PDPK1: variants seen among roughly 807,000 people sequenced by gnomAD.
The protein encoded by PDPK1 is 3-phosphoinositide dependent protein kinase 1, also known as 3-phosphoinositide-dependent protein kinase 1.
Under a neutral mutation model 39.8 loss-of-function variants are expected in PDPK1, and 7 were observed. That is an observed-to-expected ratio of 0.18 (90% CI 0.10 to 0.33). PDPK1 has a LOEUF of 0.33. PDPK1 is among the 10% of genes least tolerant of loss of function. The pLI is 1.00. For synonymous variants in PDPK1, 118 were observed against 159.1 expected (o/e 0.74, Z 1.95); for missense variants, 182 against 384.7 (o/e 0.47, Z 4.41).
chr16:2,590,948 C>G (rs563881391), intron 11 of PDPK1, among the ~76,000 whole-genome samples: 5 of 149,800 alleles, frequency 3.3e-5, no homozygotes, highest in African/African-American at 9.9e-5. Flanking sequence ...TGCACCAGGC[C>G]AAAAGTCTTT....
intron 1 of PDPK1, chr16:2,539,176 T>C (rs2066196857): frequency 6.1e-6 from 1 of 164,110 alleles, no homozygotes; most frequent in Admixed American, 6.0e-5. Context: ...ATCTCCCGGG[T>C]TCAAGCGATT....
In PDPK1 at chr16:2,599,147, T is replaced by A. The variant is rs967816457; in HGVS notation, c.*1380T>A. 3 of 233,128 alleles carry A rather than the reference T, an allele frequency of 1.3e-5. No individual in the cohort carries two copies. The highest frequency in any genetic ancestry group is 2.5e-5 in the Non-Finnish European group (3 of 118,128). The allele number at this position is 233,128 out of a possible 1,614,324, so 14.4% of individuals were successfully genotyped here. On this transcript the variant is annotated 3_prime_UTR_variant, in exon 14 of 14. Transcript: ENST00000342085. ...GCCTAGCTACTCCCCAGGTAGAGAGTGCTCCTGGTGGCCTGGCAGGTCTGG... is the reference window on the plus strand; with the variant it reads ...GCCTAGCTACTCCCCAGGTAGAGAGAGCTCCTGGTGGCCTGGCAGGTCTGG...
chr16:2,538,694 G>A (rs1353247366), intron 1 of PDPK1: 1 of 1,286,486 alleles, frequency 7.8e-7, no homozygotes, highest in African/African-American at 1.5e-5. Flanking sequence ...TTTGCTGCCC[G>A]TGGCTGTGCT....
chr16:2,597,189 G>A lies in PDPK1; in HGVS notation c.1468G>A (p.Val490Ile). 6.3e-7 allele frequency: 1 copy of A among 1,593,504 alleles called. No individual in the cohort carries two copies. The highest frequency in any genetic ancestry group is 1.1e-5 in the South Asian group (1 of 90,276). ...ACCACATTTATATTATGTGGATCCT[G>A]TCAACAAAGTTCTGAAAGGTGAAAT... is the stretch of plus-strand genomic sequence containing the variant. ...EGPHLYYVDP[V>I]NKVLKGEIPW... Residue 490 changes from valine (V) to isoleucine (I), a missense_variant, in exon 13 of 14, where the codon GTC (valine) becomes ATC (isoleucine). This residue lies in a region of PDPK1 where 67 missense variants were observed against 87.8 expected (regional missense o/e 0.76). Coordinates refer to ENST00000342085, the MANE Select transcript of PDPK1 (RefSeq NM_002613.5). The surrounding 1 kb of genome is among the most constrained non-coding windows in gnomAD (Gnocchi z 6.3).
At chr16:2,551,581 C>T (rs529731247) in intron 1 of PDPK1, among the ~76,000 whole-genome samples, 5 of 151,340 alleles carry the variant, frequency 3.3e-5, no homozygotes, top group African/African-American at 9.7e-5. Context: ...GCTTTCTGTT[C>T]GGGATCCTTT....
chr16:2,585,015 G>C (rs971233349), intron 10 of PDPK1, among the ~76,000 whole-genome samples: 2 of 152,300 alleles, frequency 1.3e-5, no homozygotes, highest in African/African-American at 2.4e-5. Flanking sequence ...GCGACTGGCT[G>C]GTGGCCGTTC....
intron 10 of PDPK1, among the ~76,000 whole-genome samples, chr16:2,585,929 T>A (rs1365773909): frequency 6.6e-6 from 1 of 152,206 alleles, no homozygotes; most frequent in Non-Finnish European, 1.5e-5. Context: ...TCTTTCCCCT[T>A]GTCCTTGGCC....
At chr16:2,545,608 C>T (rs1357123963) in intron 1 of PDPK1, among the ~76,000 whole-genome samples, 2 of 152,240 alleles carry the variant, frequency 1.3e-5, no homozygotes, top group South Asian at 2.1e-4. Context: ...AATTCTCCTG[C>T]TTCAGCTTCA....
chr16:2,587,326 G>A (rs982995033), intron 11 of PDPK1, among the ~76,000 whole-genome samples: 1 of 152,202 alleles, frequency 6.6e-6, no homozygotes, highest in African/African-American at 2.4e-5. Flanking sequence ...GGGATCTGTC[G>A]CGGGGGCGCC....
intron 1 of PDPK1, among the ~76,000 whole-genome samples, chr16:2,546,705 T>G (rs1161297968): frequency 6.6e-6 from 1 of 152,204 alleles, no homozygotes; most frequent in Non-Finnish European, 1.5e-5. Context: ...GTCTCTTTCC[T>G]GCTTGGGCAA....
chr16:2,587,135 G>A (rs1253582008), intron 11 of PDPK1, among the ~76,000 whole-genome samples: 4 of 152,248 alleles, frequency 2.6e-5, no homozygotes, highest in Non-Finnish European at 4.4e-5. Flanking sequence ...CCTGCTGGTT[G>A]TGGCCATGGA....
At chr16:2,544,226 C>T (rs1257236157) in intron 1 of PDPK1, among the ~76,000 whole-genome samples, 1 of 152,078 alleles carries the variant, frequency 6.6e-6, no homozygotes. Context: ...AGTGTTTCTA[C>T]CTGAAGAGAC....
rs895059864 is a variant in PDPK1 at position 2,602,991 on chromosome 16, T to C, written c.*5224T>C. ...GTACAGCCTTGAATGTGAATAATTA[T>C]TGTAAACTATATTTTACAACTTTTT... On this transcript the variant is annotated 3_prime_UTR_variant, in exon 14 of 14. Transcript: ENST00000342085. 7 of 230,718 alleles carry C rather than the reference T, an allele frequency of 3.0e-5. No homozygotes were observed. Among genetic ancestry groups the C allele is most frequent in the Admixed American group, 1.1e-4 (2 of 17,716 alleles). The allele number at this position is 230,718 out of a possible 1,614,324, so 14.3% of individuals were successfully genotyped here.
chr16:2,586,889 C>T lies in PDPK1; in HGVS notation c.1339C>T (p.Pro447Ser). Residue 447 changes from proline (P) to serine (S), a missense_variant, in exon 11 of 14, where the codon CCT becomes TCT. By Grantham distance (74) the Pro-to-Ser change is moderately conservative. Coordinates refer to ENST00000342085, the MANE Select transcript of PDPK1 (RefSeq NM_002613.5). ...GTTGGAGAAGCAGGCTGGCGGAAAC[C>T]CTTGGTAAGAACTTATGGACATAAG... ...LLLEKQAGGNPWHQFVENNLI... is the reference protein window; with the variant it reads ...LLLEKQAGGNSWHQFVENNLI... 6.2e-7 allele frequency: 1 copy of T among 1,613,914 alleles called. No homozygotes were observed. The highest frequency in any genetic ancestry group is 8.5e-7 in the Non-Finnish European group (1 of 1,179,776).
rs2067089647 is a variant in PDPK1 at position 2,595,786 on chromosome 16, T to C, written c.1344-7T>C. The C allele has an allele frequency of 3.1e-6, 5 of 1,609,384 alleles. No individual in the cohort carries two copies. The highest frequency in any genetic ancestry group is 4.3e-6 in the Non-Finnish European group (5 of 1,175,674). ...TGGGAGCATCTCTTTCTTGTTTCTTTCCACAGGCACCAGTTTGTAGAAAAT... is the reference window on the plus strand; with the variant it reads ...TGGGAGCATCTCTTTCTTGTTTCTTCCCACAGGCACCAGTTTGTAGAAAAT... On this transcript the variant is annotated splice_polypyrimidine_tract_variant and splice_region_variant and intron_variant, in intron 11 of 13. Transcript: ENST00000342085.
Position 2,540,370 on chromosome 16 carries a change from C to T in PDPK1, c.24+2234C>T, listed in dbSNP as rs181387524. Among the ~76,000 whole-genome samples the T allele has an allele frequency of 1.7e-3, 264 of 152,350 alleles. 2 individuals are homozygous for T. The highest frequency in any genetic ancestry group is 6.0e-3 in the African/African-American group (249 of 41,590). On this transcript the variant is annotated intron_variant, in intron 1 of 13. Transcript: ENST00000342085. The stretch of plus-strand genomic sequence containing the variant: ...CTCAAGACAGGCGCTTCCCTAGGTA[C>T]TTTCACACCTCATTGCGAGGTAGGT...
At chr16:2,553,405 C>G (rs2066454460) in intron 1 of PDPK1, among the ~76,000 whole-genome samples, 1 of 129,828 alleles carries the variant, frequency 7.7e-6, no homozygotes, top group Non-Finnish European at 1.6e-5. Context: ...TGCTGGAGTG[C>G]AGTGCTATGA....
chr16:2,551,761 G>T (rs1210044804), intron 1 of PDPK1, among the ~76,000 whole-genome samples: 1 of 150,748 alleles, frequency 6.6e-6, no homozygotes, highest in Admixed American at 6.8e-5. Context: ...CCGCCTCCTG[G>T]GTTCAAGCGA....
intron 1 of PDPK1, chr16:2,538,494 G>T (rs1400335184): frequency 1.9e-6 from 1 of 531,668 alleles, no homozygotes; most frequent in Non-Finnish European, 3.4e-6. Flanking sequence ...TTTCGGTTCT[G>T]TCTGTAGAGG....
Sources: gnomAD v4.1 joint callset for allele counts (sites outside exome capture counted in the v4.1 genomes callset) on GRCh38, gnomAD v4.1.1 for gene constraint, gnomAD v4.1.1 regional missense constraint, Gnocchi (gnomAD v3.1) non-coding constraint, MANE v1.5 for transcripts, NCBI Gene and HGNC (gene_info 2026-07-23, HGNC 2026-07-21) for gene names.